CNTNAP5: variants seen among roughly 807,000 people sequenced by gnomAD.
The protein encoded by CNTNAP5 is contactin associated protein family member 5.
CNTNAP5 carries 72 observed loss-of-function variants against 150.2 expected under a neutral mutation model. That is an observed-to-expected ratio of 0.48 (90% confidence interval 0.40 to 0.58). The LOEUF (loss-of-function observed/expected upper bound fraction) is 0.58. Ranked by LOEUF, CNTNAP5 falls within the 20% of genes least tolerant of loss-of-function variation. The pLI is 0.00. For missense variants in CNTNAP5, 1,636 were observed against 1,626.2 expected, an observed-to-expected ratio of 1.01 and a Z score of -0.10; for synonymous variants, 672 against 619.8, an observed-to-expected ratio of 1.08 and a Z score of -1.25.
At chr2:124,226,902 C>G (rs1686473078) in intron 2 of CNTNAP5, among the ~76,000 whole-genome samples, 1 of 151,990 alleles carries the variant, frequency 6.6e-6, no homozygotes, top group Non-Finnish European at 1.5e-5. Flanking sequence ...ATAAAGCCAC[C>G]AGTCCCATTC....
intron 6 of CNTNAP5, among the ~76,000 whole-genome samples, chr2:124,449,969 A>G (rs112718175): frequency 6.6e-6 from 1 of 152,244 alleles, no homozygotes; most frequent in African/African-American, 2.4e-5. Flanking sequence ...CCTGGGAAAT[A>G]AAAAGTTCTA....
intron 1 of CNTNAP5, among the ~76,000 whole-genome samples, chr2:124,032,965 A>T (rs1418657931): frequency 6.6e-6 from 1 of 152,164 alleles, no homozygotes; most frequent in Non-Finnish European, 1.5e-5. Flanking sequence ...AAACCTCAAC[A>T]TCCCAGTTCT....
At chr2:124,129,526 A>T (rs962768374) in intron 1 of CNTNAP5, among the ~76,000 whole-genome samples, 8 of 152,170 alleles carry the variant, frequency 5.3e-5, no homozygotes, top group Admixed American at 5.2e-4. Flanking sequence ...AATTTAAAAA[A>T]AAACTACAAG....
rs192415615 is a variant in CNTNAP5 at position 124,919,286 on chromosome 2, G to A, written c.*4998G>A. On this transcript the variant is annotated 3_prime_UTR_variant, in exon 24 of 24. Transcript: ENST00000682447. Reference sequence around the variant, plus strand: ...TCATATAAGGTTTTAATAATTAACCGGTTTGCTATTTTTCAGTGATTATTT... The same window carrying A: ...TCATATAAGGTTTTAATAATTAACCAGTTTGCTATTTTTCAGTGATTATTT... Among the ~76,000 whole-genome samples the A allele has an allele frequency of 3.4e-4, 52 of 152,000 alleles. No homozygotes were observed. In the East Asian group the frequency reaches 4.7e-3, roughly 14 times the overall value.
At position 124,573,477 on chromosome 2, in the gene CNTNAP5, G is replaced by T. The variant is rs553204040; in HGVS notation, c.1756+10154G>T. Among the ~76,000 whole-genome samples the T allele has an allele frequency of 7.2e-5, 11 of 152,256 alleles. 1 individual carries two copies. Among genetic ancestry groups the T allele is most frequent in the African/African-American group, 2.4e-4 (10 of 41,546 alleles). On this transcript the variant is annotated intron_variant, in intron 11 of 23. Transcript: ENST00000682447. ...GCAAGAAATGTAATCACAAGTTTTA[G>T]CTTTGTTCCAAACCCCTACAAGCAA...
chr2:124,656,319 A>G (rs1678457465), intron 13 of CNTNAP5, among the ~76,000 whole-genome samples: 1 of 152,170 alleles, frequency 6.6e-6, no homozygotes, highest in African/African-American at 2.4e-5. Flanking sequence ...TTCATGTTGG[A>G]AATGGGTTTG....
rs541937609 is a variant in CNTNAP5, at chr2:124,337,233, T to C, written c.382-80210T>C. Reference sequence around the variant, plus strand: ...TTGATGGGGTTGTTTGTTTTTTCCTTGTAAATTTGTTTGAGTTCTTTGTAG... The same window carrying C: ...TTGATGGGGTTGTTTGTTTTTTCCTCGTAAATTTGTTTGAGTTCTTTGTAG... On this transcript the variant is annotated intron_variant, in intron 3 of 23. Coordinates refer to ENST00000682447, the MANE Select transcript of CNTNAP5 (RefSeq NM_001367498.1). Among the ~76,000 whole-genome samples, 10 of 152,312 alleles carry C rather than the reference T, an allele frequency of 6.6e-5. No homozygotes were observed. The East Asian group carries it at 1.7e-3, about 26-fold the overall frequency.
At chr2:124,889,287 A>G (rs1194011889) in intron 21 of CNTNAP5, among the ~76,000 whole-genome samples, 2 of 151,224 alleles carry the variant, frequency 1.3e-5, no homozygotes, top group Admixed American at 6.6e-5. Flanking sequence ...TGTAGTAGAG[A>G]CGGGGTTTCA....
intron 11 of CNTNAP5, among the ~76,000 whole-genome samples, chr2:124,579,093 C>G (rs887607644): frequency 6.6e-6 from 1 of 152,092 alleles, no homozygotes; most frequent in Non-Finnish European, 1.5e-5. Context: ...CATATGTTGC[C>G]TCATAATCAG....
chr2:124,863,349 G>T (rs1677564095), intron 19 of CNTNAP5, among the ~76,000 whole-genome samples: 1 of 152,194 alleles, frequency 6.6e-6, no homozygotes, highest in Non-Finnish European at 1.5e-5. Context: ...GGGGTACCTT[G>T]CCCGTGATCT....
chr2:124,675,787 A>AT (rs1247162262), intron 13 of CNTNAP5, among the ~76,000 whole-genome samples: 3 of 152,084 alleles, frequency 2.0e-5, no homozygotes, highest in Admixed American at 2.0e-4. Context: ...CTTTAGAGAT[A>AT]TTTTTATTTA....
At chr2:124,112,897 A>G (rs1006387392) in intron 1 of CNTNAP5, among the ~76,000 whole-genome samples, 1 of 152,164 alleles carries the variant, frequency 6.6e-6, no homozygotes, top group Admixed American at 6.6e-5. Context: ...TTGCAGCAAT[A>G]CAGATATTTC....
chr2:124,133,899 A>G (rs1683918574), intron 1 of CNTNAP5, among the ~76,000 whole-genome samples: 2 of 152,214 alleles, frequency 1.3e-5, no homozygotes, highest in African/African-American at 4.8e-5. Flanking sequence ...TGAATGAATG[A>G]ATAACTTTAA....
chr2:124,838,731 T>A (rs1682881788), intron 19 of CNTNAP5, among the ~76,000 whole-genome samples: 3 of 152,280 alleles, frequency 2.0e-5, no homozygotes, highest in South Asian at 4.1e-4. Context: ...GTTTGCCAAC[T>A]GTAGCAAATA....
chr2:124,426,506 A>G (rs1440939974), intron 4 of CNTNAP5, among the ~76,000 whole-genome samples: 2 of 152,182 alleles, frequency 1.3e-5, no homozygotes, highest in Admixed American at 6.5e-5. Context: ...TCAAAATGTA[A>G]TTGTATTGAA....
intron 18 of CNTNAP5, among the ~76,000 whole-genome samples, chr2:124,794,677 C>T (rs1349466362): frequency 2.0e-5 from 3 of 152,012 alleles, no homozygotes; most frequent in African/African-American, 7.2e-5. Flanking sequence ...CAAACATATG[C>T]TGTAGGACAG....
chr2:124,181,313 T>C (rs1238375333), intron 1 of CNTNAP5, among the ~76,000 whole-genome samples: 1 of 152,162 alleles, frequency 6.6e-6, no homozygotes, highest in Non-Finnish European at 1.5e-5. Flanking sequence ...AGTGATTTTA[T>C]GTTTCTGCAT....
At chr2:124,204,099 T>G (rs188645304) in intron 1 of CNTNAP5, among the ~76,000 whole-genome samples, 1 of 152,320 alleles carries the variant, frequency 6.6e-6, no homozygotes, top group Admixed American at 6.5e-5. Context: ...AAATGGAATG[T>G]TTTTAAGAGC....
rs545735458 is a variant in CNTNAP5, at chr2:124,480,372, G to A, written c.1062+5490G>A. Among the ~76,000 whole-genome samples the A allele has an allele frequency of 6.6e-5, 10 of 152,230 alleles. No homozygotes were observed. In the South Asian group the frequency reaches 8.3e-4, roughly 13 times the overall value. On this transcript the variant is annotated intron_variant, in intron 7 of 23. Coordinates refer to ENST00000682447, the MANE Select transcript of CNTNAP5 (RefSeq NM_001367498.1). ...GTTTTCTTGAAGTATGTTGCCCTTCGTTTGCATCTCTGCTGTCATGCAACT... is the reference window on the plus strand; with the variant it reads ...GTTTTCTTGAAGTATGTTGCCCTTCATTTGCATCTCTGCTGTCATGCAACT...
Sources: gnomAD v4.1 joint callset for allele counts (sites outside exome capture counted in the v4.1 genomes callset) on GRCh38, gnomAD v4.1.1 for gene constraint, MANE v1.5 for transcripts, NCBI Gene and HGNC (gene_info 2026-07-23, HGNC 2026-07-21) for gene names.